The following LYZL1 variants were observed in gnomAD, a reference collection of about 807,000 sequenced individuals.
The protein encoded by LYZL1 is lysozyme-like protein 1.
In LYZL1, 16 loss-of-function variants were observed where a neutral mutation model predicts 17.9. The observed-to-expected ratio is 0.90, with a 90% CI of 0.61 to 1.36. LYZL1 has a LOEUF of 1.36. Among genes scored for constraint, LYZL1 ranks in the 40% most tolerant of loss-of-function variants. LYZL1 has a pLI of 0.00. For missense variants in LYZL1, 149 were observed against 188.4 expected (o/e 0.79, Z 1.22); for synonymous variants, 58 against 71.8 (o/e 0.81, Z 0.97).
chr10:29,314,604 G>T (rs533718595), downstream of LYZL1, among the ~76,000 whole-genome samples: 2 of 152,040 alleles, frequency 1.3e-5, no homozygotes, highest in Non-Finnish European at 2.9e-5. Context: ...ACCGAGTGAG[G>T]CCCTGTCTCT....
intron 1 of LYZL1, 137 bp downstream of exon 1, chr10:29,289,367 G>A: frequency 1.8e-6 from 1 of 565,742 alleles, no homozygotes; most frequent in Non-Finnish European, 2.9e-6. Context: ...GGCAGGGGAT[G>A]GAAACCAACT....
intron 3 of LYZL1, among the ~76,000 whole-genome samples, chr10:29,307,260 C>A (rs1193367343): frequency 2.0e-5 from 3 of 152,178 alleles, no homozygotes; most frequent in Non-Finnish European, 4.4e-5. Flanking sequence ...AGTTTAGACC[C>A]TTCCATCAGC....
chr10:29,312,305 G>A (rs900906741), downstream of LYZL1, among the ~76,000 whole-genome samples: 1 of 152,044 alleles, frequency 6.6e-6, no homozygotes, highest in Non-Finnish European at 1.5e-5. Context: ...TGGCCTATGA[G>A]CTGCATGTGG....
At chr10:29,310,382 G>A (rs1057097677) in intron 4 of LYZL1, among the ~76,000 whole-genome samples, 194 bp downstream of exon 4, 1 of 152,082 alleles carries the variant, frequency 6.6e-6, no homozygotes, top group Non-Finnish European at 1.5e-5. Context: ...AGGGAGAGGA[G>A]ACTTGGGATT....
chr10:29,290,708 G>A (rs536591793), intron 1 of LYZL1, among the ~76,000 whole-genome samples: 2 of 151,960 alleles, frequency 1.3e-5, no homozygotes, highest in African/African-American at 2.4e-5. Flanking sequence ...GTGTGGTGGT[G>A]GGCGCCTGTA....
intron 3 of LYZL1, among the ~76,000 whole-genome samples, chr10:29,296,379 T>A (rs1471381106): frequency 6.6e-6 from 1 of 152,058 alleles, no homozygotes; most frequent in Non-Finnish European, 1.5e-5. Context: ...AGCTCTGAAA[T>A]CAGTAGCATT....
At chr10:29,308,017 A>G (rs1835618952) in intron 3 of LYZL1, among the ~76,000 whole-genome samples, 1 of 152,180 alleles carries the variant, frequency 6.6e-6, no homozygotes, top group Non-Finnish European at 1.5e-5. Flanking sequence ...AAAAATCAAA[A>G]ACAAAAACAA....
At chr10:29,311,510 C>T (rs1835672392), downstream of LYZL1, among the ~76,000 whole-genome samples, 1 of 152,134 alleles carries the variant, frequency 6.6e-6, no homozygotes, top group Non-Finnish European at 1.5e-5. Context: ...TCTATGCATG[C>T]CCACCCACAA....
intron 3 of LYZL1, among the ~76,000 whole-genome samples, chr10:29,294,239 G>A (rs1835416875): frequency 6.6e-6 from 1 of 152,160 alleles, no homozygotes; most frequent in Non-Finnish European, 1.5e-5. Flanking sequence ...CCATCTGAGT[G>A]TGAAAAACCC....
chr10:29,298,770 G>A (rs1278364307), intron 3 of LYZL1, among the ~76,000 whole-genome samples: 1 of 152,126 alleles, frequency 6.6e-6, no homozygotes, highest in African/African-American at 2.4e-5. Flanking sequence ...ATTATGGTCA[G>A]AGAATATGGT....
rs575964616 is a variant in LYZL1, at chr10:29,295,609, A to G, written c.298+2932A>G. Among the ~76,000 whole-genome samples, 3 of 152,306 alleles carry G rather than the reference A, an allele frequency of 2.0e-5. No homozygotes were observed. The East Asian group carries it at 5.8e-4, about 29-fold the overall frequency. On this transcript the variant is annotated intron_variant, in intron 3 of 4. Coordinates refer to ENST00000649382, the MANE Select transcript of LYZL1 (RefSeq NM_032517.6). Reference sequence around the variant, plus strand: ...TCTGTTACCTTACAAGGCAAAAGGAACTTTGCAGATGTGAGGAAGGATCTG... The same window carrying G: ...TCTGTTACCTTACAAGGCAAAAGGAGCTTTGCAGATGTGAGGAAGGATCTG...
At chr10:29,303,093 C>T (rs1421897804) in intron 3 of LYZL1, among the ~76,000 whole-genome samples, 1 of 152,176 alleles carries the variant, frequency 6.6e-6, no homozygotes, top group Non-Finnish European at 1.5e-5. Flanking sequence ...GCCCTGTTCC[C>T]TGGGGTAGTT....
chr10:29,303,530 A>G (rs1588661542), intron 3 of LYZL1, among the ~76,000 whole-genome samples: 1 of 152,284 alleles, frequency 6.6e-6, no homozygotes, highest in East Asian at 1.9e-4. Context: ...CTAATTTAAC[A>G]TTGTTCAGTT....
chr10:29,293,826 T>G (rs920592486), intron 3 of LYZL1, among the ~76,000 whole-genome samples: 1 of 151,666 alleles, frequency 6.6e-6, no homozygotes, highest in Non-Finnish European at 1.5e-5. Context: ...ATACAAAAAT[T>G]AGCTGGGCAC....
chr10:29,294,678 T>C (rs915747067), intron 3 of LYZL1, among the ~76,000 whole-genome samples: 2 of 152,204 alleles, frequency 1.3e-5, no homozygotes, highest in South Asian at 4.1e-4. Flanking sequence ...CATAAAATAT[T>C]CTATTGCAAA....
rs1390272079 is a variant in LYZL1 at position 29,297,098 on chromosome 10, AAG to A, written c.298+4427_298+4428del. 2.0e-4 allele frequency among the ~76,000 whole-genome samples: 30 copies of A among 151,910 alleles called. No individual in the cohort carries two copies. The East Asian group carries it at 5.2e-3, about 26-fold the overall frequency. On this transcript the variant is annotated intron_variant, in intron 3 of 4. Transcript: ENST00000649382. ...ATGCTTTTTTTGAAAAAAAAAAAAAAAGAGAGAAAAAGGAAACATTCAGATAA... is the reference window on the plus strand; with the variant it reads ...ATGCTTTTTTTGAAAAAAAAAAAAAAAGAGAAAAAGGAAACATTCAGATAA...
At chr10:29,301,859 C>T (rs1835523482) in intron 3 of LYZL1, among the ~76,000 whole-genome samples, 1 of 151,862 alleles carries the variant, frequency 6.6e-6, no homozygotes, top group Non-Finnish European at 1.5e-5. Flanking sequence ...TTTTCCCTCC[C>T]TGTGTTTTAT....
chr10:29,290,707 TGG>T (rs1564387887), intron 1 of LYZL1, among the ~76,000 whole-genome samples: 2 of 152,088 alleles, frequency 1.3e-5, no homozygotes, highest in Non-Finnish European at 2.9e-5. Flanking sequence ...GGTGTGGTGG[TGG>T]GCGCCTGTAA....
intron 3 of LYZL1, among the ~76,000 whole-genome samples, chr10:29,302,147 T>C (rs1316569729): frequency 1.3e-5 from 2 of 152,232 alleles, no homozygotes. Context: ...TCTCCTGGTA[T>C]GTGCCACATT....
Sources: allele counts gnomAD v4.1 joint callset (sites outside exome capture counted in the v4.1 genomes callset), GRCh38; gene constraint gnomAD v4.1.1; transcripts MANE v1.5; gene names NCBI Gene and HGNC (gene_info 2026-07-23, HGNC 2026-07-21).